Variants in PARP1 observed in about 807,000 individuals in gnomAD.
PARP1 encodes poly [ADP-ribose] polymerase 1.
In PARP1, 44 loss-of-function variants were observed where a neutral mutation model predicts 118.7. The ratio of observed to expected loss-of-function variants is 0.37; its 90% CI spans 0.29 to 0.48. The LOEUF is 0.48. Ranked by LOEUF, PARP1 falls within the 20% of genes least tolerant of loss-of-function variation. The probability of loss-of-function intolerance (pLI) is 0.99; values close to 1 mark genes in which losing one functional copy is unlikely to be tolerated. For synonymous variants in PARP1, 492 were observed against 483.2 expected, an observed-to-expected ratio of 1.02 and a Z score of -0.24; for missense variants, 1,100 against 1,272.4, an observed-to-expected ratio of 0.86 and a Z score of 2.06.
intron 2 of PARP1, chr1:226,392,936 G>A (rs761707727): frequency 7.0e-6 from 11 of 1,569,076 alleles, no homozygotes; most frequent in Non-Finnish European, 8.6e-6. Flanking sequence ...GGAATAAGAC[G>A]AAGCTATCTT....
chr1:226,362,092 C>T lies in PARP1; in HGVS notation c.2849-9G>A. ...GGTAGTTTTGCCCAAACCTGAAAAA[C>T]AGAAGTCACAAGTGACATGAACTGT... is the stretch of plus-strand genomic sequence containing the variant. On this transcript the variant is annotated splice_polypyrimidine_tract_variant and intron_variant, in intron 21 of 22. Transcript: ENST00000366794. 2 of 1,526,682 alleles carry T rather than the reference C, an allele frequency of 1.3e-6. No homozygotes were observed. Among genetic ancestry groups the T allele is most frequent in the Non-Finnish European group, 1.8e-6 (2 of 1,100,440 alleles). 94.6% of individuals were successfully genotyped at this position (1,526,682 alleles called of 1,614,324 possible). A position where few individuals can be genotyped will look rare whatever the true frequency, so the allele number is the denominator to read the frequency against.
At chr1:226,366,221 G>C (rs912608088) in intron 17 of PARP1, 169 bp from the exon 18 acceptor site, 3 of 650,000 alleles carry the variant, frequency 4.6e-6, no homozygotes, top group Non-Finnish European at 8.4e-6. Flanking sequence ...TCCTGGGCCA[G>C]TGGCTCCACT....
chr1:226,368,046 A>G (rs941633780), intron 16 of PARP1, among the ~76,000 whole-genome samples, 153 bp downstream of exon 16: 1 of 152,180 alleles, frequency 6.6e-6, no homozygotes, highest in African/African-American at 2.4e-5. Context: ...GCCTCCATCA[A>G]TGTGGGTAGA....
intron 12 of PARP1, among the ~76,000 whole-genome samples, chr1:226,377,788 T>C (rs1203830482): frequency 6.6e-6 from 1 of 152,190 alleles, no homozygotes; most frequent in Non-Finnish European, 1.5e-5. Flanking sequence ...CAGGCTGTCA[T>C]GTTCAAATTC....
chr1:226,391,296 G>C (rs1289305837), intron 3 of PARP1, among the ~76,000 whole-genome samples: 2 of 151,908 alleles, frequency 1.3e-5, no homozygotes, highest in Non-Finnish European at 2.9e-5. Flanking sequence ...CCCTCCTATG[G>C]CCTCCTTAGT....
At chr1:226,371,466 G>C (rs935978618) in intron 14 of PARP1, among the ~76,000 whole-genome samples, 1 of 152,220 alleles carries the variant, frequency 6.6e-6, no homozygotes, top group African/African-American at 2.4e-5. Flanking sequence ...CAGCTCATCA[G>C]ACACCTACCA....
chr1:226,407,987 T>G lies in PARP1; in HGVS notation c.-58A>C. On this transcript the variant is annotated 5_prime_UTR_variant, in exon 1 of 23. Transcript: ENST00000366794. ...CCGACGCCACGACCTAGAAACACGC[T>G]GCCGCCTCGCCGCCTCGCGTGCGCT... 6.2e-7 allele frequency: 1 copy of G among 1,607,180 alleles called. No homozygotes were observed. The highest frequency in any genetic ancestry group is 1.3e-5 in the African/African-American group (1 of 74,862).
intron 7 of PARP1, among the ~76,000 whole-genome samples, 191 bp downstream of exon 7, chr1:226,385,313 G>C (rs1301989661): frequency 6.6e-6 from 1 of 152,200 alleles, no homozygotes; most frequent in East Asian, 1.9e-4. Context: ...CATACTTAGA[G>C]GAGCTTCGGT....
rs2102726925 is a variant in PARP1 at position 226,365,126 on chromosome 1, C to T, written c.2534G>A (p.Cys845Tyr). 1 of 1,614,246 alleles carries T rather than the reference C, an allele frequency of 6.2e-7. No homozygotes were observed. Among genetic ancestry groups the T allele is most frequent in the Non-Finnish European group, 8.5e-7 (1 of 1,180,050 alleles). Residue 845 changes from cysteine to tyrosine, a missense_variant, in exon 19 of 23, where the codon TGC (cysteine) becomes TAC (tyrosine). This residue lies in a region of PARP1 where 152 missense variants were observed against 240.6 expected (regional missense o/e 0.63). Coordinates refer to ENST00000366794, the MANE Select transcript of PARP1 (RefSeq NM_001618.4). ...CTGCTTAAAGGGCTTGTAACGCTGG[C>T]ATTCGCCTTCACGCTCTATCTTAAA... ...DIFKIEREGE[C>Y]QRYKPFKQLH...
In PARP1 at chr1:226,392,301, A is replaced by T. The variant is rs1194997553; in HGVS notation, c.300T>A (p.Asp100Glu). The change falls in exon 3 of 23, where the codon GAT becomes GAA. Residue 100 changes from aspartate (D) to glutamate (E), a missense_variant. Around this residue, in one of 2 missense-constraint regions of PARP1, gnomAD observed 948 missense variants for 1,031.8 expected, o/e 0.92. Transcript: ENST00000366794. ...TCTTCTCTGCCTTGCTACCAATTCC[A>T]TCCTGGCCTTTGCCTGGAGAATCAA... ...EAGGVTGKGQDGIGSKAEKTL... is the reference protein window; with the variant it reads ...EAGGVTGKGQEGIGSKAEKTL... 6.2e-7 allele frequency: 1 copy of T among 1,613,414 alleles called. No homozygotes were observed. The highest frequency in any genetic ancestry group is 2.2e-5 in the East Asian group (1 of 44,882).
At chr1:226,385,168 C>T (rs1327571933) in intron 7 of PARP1, among the ~76,000 whole-genome samples, 1 of 152,194 alleles carries the variant, frequency 6.6e-6, no homozygotes. Flanking sequence ...TATCAGAAAG[C>T]AGGAATTACT....
In PARP1 at chr1:226,360,716, C is replaced by T. The variant is rs3219149; in HGVS notation, c.*744G>A. The T allele has an allele frequency of 4.5e-6, 1 of 223,472 alleles. No homozygotes were observed. Among genetic ancestry groups the T allele is most frequent in the Admixed American group, 5.7e-5 (1 of 17,408 alleles). 13.8% of individuals were successfully genotyped at this position (223,472 alleles called of 1,614,324 possible). A position where few individuals can be genotyped will look rare whatever the true frequency, so the allele number is the denominator to read the frequency against. ...TAGAGAAGGCATCTGCATTTTTAAT[C>T]GAGTATTACTATTAGCCCTTGGGTA... On this transcript the variant is annotated 3_prime_UTR_variant, in exon 23 of 23. Transcript: ENST00000366794.
intron 6 of PARP1, 37 bp from the exon 7 acceptor site, chr1:226,385,717 C>A (rs200447443): frequency 8.8e-6 from 14 of 1,585,168 alleles, no homozygotes; most frequent in Non-Finnish European, 1.1e-5. Flanking sequence ...AGGGCAAATG[C>A]GGGACTACAA....
intron 9 of PARP1, 61 bp from the exon 10 acceptor site, chr1:226,380,225 A>G: frequency 1.3e-6 from 2 of 1,517,906 alleles, no homozygotes; most frequent in South Asian, 1.1e-5. Flanking sequence ...TGAAACTTCA[A>G]ATTACTACAG....
intron 13 of PARP1, 123 bp downstream of exon 13, chr1:226,376,985 C>G: frequency 1.1e-6 from 1 of 894,518 alleles, no homozygotes. Context: ...GACTATTATT[C>G]TCCTTTCAAC....
At chr1:226,368,137 G>A (rs2102728768) in intron 16 of PARP1, 62 bp downstream of exon 16, 1 of 1,606,308 alleles carries the variant, frequency 6.2e-7, no homozygotes, top group South Asian at 1.1e-5. Context: ...GGGAGGGACG[G>A]CTGCAAGGTA....
At chr1:226,384,690 C>T (rs564021120) in intron 7 of PARP1, among the ~76,000 whole-genome samples, 1 of 152,258 alleles carries the variant, frequency 6.6e-6, no homozygotes, top group South Asian at 2.1e-4. Flanking sequence ...ACCACTCAAA[C>T]GCACAGAGAG....
chr1:226,393,215 G>T (rs549266934), intron 2 of PARP1, among the ~76,000 whole-genome samples: 4 of 152,148 alleles, frequency 2.6e-5, no homozygotes, highest in African/African-American at 9.6e-5. Context: ...GAAAAGGCAA[G>T]GACACTGGTA....
In PARP1 at chr1:226,374,302, A is replaced by T. The variant is rs1420929179; in HGVS notation, c.1994T>A (p.Leu665His). ...GATGAGGTCCTGAACTGGCTTGGGGAGCTTGGACTTGGTGCCAGGATTTAC... is the reference window on the plus strand; with the variant it reads ...GATGAGGTCCTGAACTGGCTTGGGGTGCTTGGACTTGGTGCCAGGATTTAC... ...LTVNPGTKSK[L>H]PKPVQDLIKM... Residue 665 changes from leucine to histidine, a missense_variant, in exon 14 of 23, where the codon CTC (leucine) becomes CAC (histidine). Transcript: ENST00000366794. The T allele has an allele frequency of 6.2e-7, 1 of 1,614,014 alleles. No homozygotes were observed. Among genetic ancestry groups the T allele is most frequent in the Non-Finnish European group, 8.5e-7 (1 of 1,180,004 alleles).
Sources: gnomAD v4.1 joint callset for allele counts (sites outside exome capture counted in the v4.1 genomes callset) on GRCh38, gnomAD v4.1.1 for gene constraint, gnomAD v4.1.1 regional missense constraint, MANE v1.5 for transcripts, NCBI Gene and HGNC (gene_info 2026-07-23, HGNC 2026-07-21) for gene names.